The following BIRC6 variants were observed in gnomAD, a reference collection of about 807,000 sequenced individuals.
BIRC6 encodes the protein dual E2 ubiquitin-conjugating enzyme/E3 ubiquitin-protein ligase BIRC6.
Under a neutral mutation model 503.3 loss-of-function variants are expected in BIRC6, and 98 were observed. The ratio of observed to expected loss-of-function variants is 0.19; its 90% CI spans 0.17 to 0.23. The LOEUF (loss-of-function observed/expected upper bound fraction) is 0.23. BIRC6 is among the 10% of genes least tolerant of loss of function. BIRC6 has a pLI of 1.00. For missense variants in BIRC6, 5,360 were observed against 5,806.0 expected, an observed-to-expected ratio of 0.92 and a Z score of 2.50; for synonymous variants, 2,240 against 2,078.7, an observed-to-expected ratio of 1.08 and a Z score of -2.11.
chr2:32,404,275 A>G (rs879478485), intron 8 of BIRC6, among the ~76,000 whole-genome samples: 1 of 152,042 alleles, frequency 6.6e-6, no homozygotes, highest in Non-Finnish European at 1.5e-5. Flanking sequence ...TTTTCAAACC[A>G]TACAATTCAT....
Position 32,388,764 on chromosome 2 carries a change from A to G in BIRC6, c.660A>G (p.Thr220=), listed in dbSNP as rs755059339. ...TTTTCTTTCAGTGGGCCACAGTTAC[A>G]TTTCATCTTCCTCATCATGTGTTGA... ...NHKVAKWATV[T]FHLPHHVLKS... is the part of the protein sequence containing the mutation. The change falls in exon 4 of 74, where the codon ACA becomes ACG. Residue 220 remains threonine (T), a synonymous_variant. Transcript: ENST00000421745. The G allele has an allele frequency of 8.7e-6, 14 of 1,601,594 alleles. No individual in the cohort carries two copies. The Admixed American group carries it at 2.3e-4, about 26-fold the overall frequency.
At chr2:32,591,065 T>G in intron 66 of BIRC6, 1 of 796,244 alleles carries the variant, frequency 1.3e-6, no homozygotes, top group Non-Finnish European at 1.5e-6. Flanking sequence ...GGCTATAGTT[T>G]AATGTCAGAC....
intron 6 of BIRC6, among the ~76,000 whole-genome samples, chr2:32,398,245 G>A (rs958677107): frequency 5.3e-5 from 8 of 152,180 alleles, no homozygotes; most frequent in African/African-American, 1.9e-4. Flanking sequence ...AGGCACAGAG[G>A]CATAAAGTGG....
At chr2:32,613,774 G>C (rs1390834869) in intron 73 of BIRC6, among the ~76,000 whole-genome samples, 1 of 152,174 alleles carries the variant, frequency 6.6e-6, no homozygotes, top group Non-Finnish European at 1.5e-5. Flanking sequence ...TTCATCTGTA[G>C]ACTATCTTGG....
intron 61 of BIRC6, among the ~76,000 whole-genome samples, chr2:32,536,940 G>T (rs2057288047): frequency 6.6e-6 from 1 of 152,118 alleles, no homozygotes; most frequent in South Asian, 2.1e-4. Context: ...ATTTCATCGA[G>T]CAGTGATTTG....
chr2:32,543,257 T>C lies in BIRC6; in HGVS notation c.12308T>C (p.Val4103Ala). ...EVIQQVSAPV[V>A]TSTTQEKPKD... ...TTTCTTTAGGTGAGTGCTCCAGTTG[T>C]AACATCTACCACTCAGGAAAAGCCG... is the stretch of plus-strand genomic sequence containing the variant. Residue 4103 changes from valine to alanine, a missense_variant, in exon 62 of 74, where the codon GTA becomes GCA. By Grantham distance (64) the Val-to-Ala change is moderately conservative. Transcript: ENST00000421745. 1 of 1,613,774 alleles carries C rather than the reference T, an allele frequency of 6.2e-7. No homozygotes were observed. Among genetic ancestry groups the C allele is most frequent in the Non-Finnish European group, 8.5e-7 (1 of 1,179,668 alleles).
At chr2:32,616,187 T>G (rs2063225124) in intron 73 of BIRC6, among the ~76,000 whole-genome samples, 2 of 152,128 alleles carry the variant, frequency 1.3e-5, no homozygotes, top group Non-Finnish European at 2.9e-5. Context: ...TCTTTTTAAC[T>G]TAATTTTTTA....
At chr2:32,575,563 G>A (rs1298471365) in intron 66 of BIRC6, among the ~76,000 whole-genome samples, 197 bp downstream of exon 66, 1 of 152,130 alleles carries the variant, frequency 6.6e-6, no homozygotes, top group Admixed American at 6.5e-5. Flanking sequence ...AGGAGATCAA[G>A]ACCATCCTGG....
intron 66 of BIRC6, among the ~76,000 whole-genome samples, chr2:32,579,587 G>A (rs570572128): frequency 2.6e-5 from 4 of 152,110 alleles, no homozygotes; most frequent in African/African-American, 9.7e-5. Flanking sequence ...TGCTCAGGAG[G>A]TTGAGGTGGG....
intron 6 of BIRC6, among the ~76,000 whole-genome samples, chr2:32,398,590 A>C (rs564556056): frequency 6.6e-6 from 1 of 152,128 alleles, no homozygotes; most frequent in African/African-American, 2.4e-5. Context: ...CTATATGTAC[A>C]TTTATGTATG....
Position 32,490,167 on chromosome 2 carries a change from T to G in BIRC6, c.8206+16T>G. The G allele has an allele frequency of 1.3e-6, 2 of 1,549,016 alleles. No homozygotes were observed. The highest frequency in any genetic ancestry group is 3.3e-5 in the Admixed American group (2 of 59,756). ...CAGCTTAATTGTAAGTTCATAAATT[T>G]ATTCATTTAAATCTCTGACATATAC... On this transcript the variant is annotated intron_variant, in intron 43 of 73. Coordinates refer to ENST00000421745, the MANE Select transcript of BIRC6 (RefSeq NM_016252.4).
intron 67 of BIRC6, 157 bp downstream of exon 67, chr2:32,594,217 C>G: frequency 1.4e-6 from 1 of 729,492 alleles, no homozygotes; most frequent in Non-Finnish European, 2.2e-6. Context: ...TGTTCTTTAT[C>G]TGATTTCAAT....
chr2:32,458,678 A>G (rs1401443457), intron 23 of BIRC6, among the ~76,000 whole-genome samples: 1 of 64,748 alleles, frequency 1.5e-5, no homozygotes, highest in African/African-American at 6.3e-5. Flanking sequence ...TTAATACTCT[A>G]TTGCCTTTTT....
At chr2:32,615,119 C>T (rs938624796) in intron 73 of BIRC6, among the ~76,000 whole-genome samples, 2 of 152,138 alleles carry the variant, frequency 1.3e-5, no homozygotes, top group African/African-American at 4.8e-5. Context: ...TTACAACAAC[C>T]CGATCTCGTG....
At position 32,415,751 on chromosome 2, in the gene BIRC6, T is replaced by C; in HGVS notation, c.2460T>C (p.Val820=). The C allele has an allele frequency of 1.9e-6, 3 of 1,613,744 alleles. No homozygotes were observed. Among genetic ancestry groups the C allele is most frequent in the East Asian group, 4.5e-5 (2 of 44,872 alleles). ...PLIIQPEQRN[V]SGGYLVLYKM... ...TAATTCAGCCTGAGCAGAGGAATGTTAGTGGTGGATATTTAGTGCTTTATA... is the reference window on the plus strand; with the variant it reads ...TAATTCAGCCTGAGCAGAGGAATGTCAGTGGTGGATATTTAGTGCTTTATA... Residue 820 remains valine, a synonymous_variant, in exon 10 of 74, where the codon GTT becomes GTC. Coordinates refer to ENST00000421745, the MANE Select transcript of BIRC6 (RefSeq NM_016252.4).
intron 4 of BIRC6, among the ~76,000 whole-genome samples, chr2:32,391,527 A>G (rs967796097): frequency 2.0e-5 from 3 of 152,236 alleles, no homozygotes; most frequent in African/African-American, 7.2e-5. Context: ...GTTACTAGCA[A>G]TTTTATAGAA....
intron 31 of BIRC6, among the ~76,000 whole-genome samples, chr2:32,470,725 A>G (rs1377248992): frequency 1.3e-5 from 2 of 152,192 alleles, no homozygotes; most frequent in African/African-American, 4.8e-5. Flanking sequence ...GAATCTAAGA[A>G]TAGTATCTTA....
chr2:32,456,100 A>C (rs999101769), intron 23 of BIRC6, among the ~76,000 whole-genome samples: 1 of 152,206 alleles, frequency 6.6e-6, no homozygotes, highest in Admixed American at 6.5e-5. Flanking sequence ...GCACCCCAAA[A>C]GGTGTCTTCG....
At chr2:32,595,854 A>G (rs1038854914) in intron 68 of BIRC6, among the ~76,000 whole-genome samples, 2 of 152,250 alleles carry the variant, frequency 1.3e-5, no homozygotes, top group Non-Finnish European at 2.9e-5. Flanking sequence ...TAAAGAGCAC[A>G]AGAGATAATA....
Sources: allele counts gnomAD v4.1 joint callset (sites outside exome capture counted in the v4.1 genomes callset), GRCh38; gene constraint gnomAD v4.1.1; transcripts MANE v1.5; gene names NCBI Gene and HGNC (gene_info 2026-07-23, HGNC 2026-07-21).